DLGAP4: variants seen among roughly 807,000 people sequenced by gnomAD.
The protein encoded by DLGAP4 is disks large-associated protein 4.
DLGAP4 carries 18 observed loss-of-function variants against 86.9 expected under a neutral mutation model. That is an observed-to-expected ratio of 0.21 (90% confidence interval 0.14 to 0.31). The LOEUF is 0.31. Ranked by LOEUF, DLGAP4 falls within the 10% of genes least tolerant of loss-of-function variation. The pLI is 1.00. For synonymous variants in DLGAP4, 548 were observed against 574.3 expected (o/e 0.95, Z 0.65); for missense variants, 1,085 against 1,362.6 (o/e 0.80, Z 3.21).
At chr20:36,343,627 C>T (rs12481257) in intron 1 of DLGAP4, among the ~76,000 whole-genome samples, 2 of 152,096 alleles carry the variant, frequency 1.3e-5, no homozygotes, top group African/African-American at 4.8e-5. Flanking sequence ...GTACCCCCCC[C>T]CAACCCCCCG....
At chr20:36,363,838 G>A (rs1311002237) in intron 1 of DLGAP4, among the ~76,000 whole-genome samples, 1 of 152,182 alleles carries the variant, frequency 6.6e-6, no homozygotes, top group Non-Finnish European at 1.5e-5. Context: ...AGCACCTCCT[G>A]TGTGCCAGGC....
chr20:36,405,039 G>A (rs914423494), intron 2 of DLGAP4, among the ~76,000 whole-genome samples: 6 of 152,230 alleles, frequency 3.9e-5, no homozygotes, highest in African/African-American at 1.4e-4. Flanking sequence ...CAGAGGAAAC[G>A]CACAAATAGC....
intron 10 of DLGAP4, among the ~76,000 whole-genome samples, chr20:36,509,619 G>A (rs553772969): frequency 1.8e-4 from 28 of 152,106 alleles, no homozygotes; most frequent in Admixed American, 2.6e-4. Flanking sequence ...GCATTGTGGT[G>A]TACACCTGTA....
Position 36,526,946 on chromosome 20 carries a change from G to GGGC in DLGAP4, c.2895_2897dup (p.Ala967dup). The GGGC allele has an allele frequency of 6.2e-7, 1 of 1,613,732 alleles. No individual in the cohort carries two copies. Among genetic ancestry groups the GGGC allele is most frequent in the Non-Finnish European group, 8.5e-7 (1 of 1,179,922 alleles). On this transcript the variant is annotated inframe_insertion, in exon 13 of 13. Transcript: ENST00000339266. ...CGCAAGAGACTCCTGGCGGCCAAGC[G>GGGC]GGCAGCTTCTGTGCGGCAGAACTCA...
chr20:36,478,679 C>T (rs1023611020), intron 7 of DLGAP4, among the ~76,000 whole-genome samples: 4 of 152,084 alleles, frequency 2.6e-5, no homozygotes, highest in South Asian at 2.1e-4. Flanking sequence ...TCAGTCTTGC[C>T]GAAGCAAGCT....
chr20:36,373,213 C>T (rs570792264), intron 2 of DLGAP4, among the ~76,000 whole-genome samples: 4 of 152,200 alleles, frequency 2.6e-5, no homozygotes, highest in East Asian at 1.9e-4. Context: ...AAAATAGATT[C>T]GATTGACTTG....
intron 1 of DLGAP4, among the ~76,000 whole-genome samples, chr20:36,352,369 A>G (rs2030184933): frequency 6.7e-6 from 1 of 150,362 alleles, no homozygotes; most frequent in South Asian, 2.1e-4. Context: ...TGGAGACTGG[A>G]CTGAAGGGAT....
intron 7 of DLGAP4, among the ~76,000 whole-genome samples, chr20:36,460,828 G>C (rs73105133): frequency 2.0e-4 from 31 of 152,364 alleles, no homozygotes; most frequent in Non-Finnish European, 3.4e-4. Flanking sequence ...TTTATTTTAC[G>C]GGGGAGGAAT....
intron 7 of DLGAP4, chr20:36,462,628 G>A (rs772949728): frequency 5.1e-6 from 8 of 1,574,364 alleles, no homozygotes; most frequent in African/African-American, 2.8e-5. Context: ...GGGTCGGGCC[G>A]GAGTTGGCCC....
At chr20:36,339,223 G>A (rs2065352738) in intron 1 of DLGAP4, among the ~76,000 whole-genome samples, 1 of 152,056 alleles carries the variant, frequency 6.6e-6, no homozygotes, top group African/African-American at 2.4e-5. Context: ...AAGTAGCTGG[G>A]ACTGAAGGTG....
intron 2 of DLGAP4, among the ~76,000 whole-genome samples, chr20:36,386,197 G>A (rs1391586779): frequency 1.3e-5 from 2 of 152,178 alleles, no homozygotes; most frequent in Non-Finnish European, 2.9e-5. Context: ...GAGCAAGCAA[G>A]CGTGACACAT....
chr20:36,344,202 G>A (rs1339151508), intron 1 of DLGAP4, among the ~76,000 whole-genome samples: 2 of 152,114 alleles, frequency 1.3e-5, no homozygotes, highest in African/African-American at 2.4e-5. Context: ...CTCTGCTCCC[G>A]ACTCTTCACT....
intron 10 of DLGAP4, among the ~76,000 whole-genome samples, chr20:36,503,333 AT>A (rs1042780331): frequency 1.2e-4 from 18 of 149,102 alleles, no homozygotes; most frequent in African/African-American, 4.6e-4. Flanking sequence ...ACTACTGTTT[AT>A]TTTAAGAACA....
chr20:36,488,016 A>G (rs567802964), intron 7 of DLGAP4, among the ~76,000 whole-genome samples: 50 of 152,218 alleles, frequency 3.3e-4, no homozygotes, highest in African/African-American at 1.1e-3. Flanking sequence ...CCTGGCCAAC[A>G]TGGTGAAACC....
rs539549608 is a variant in DLGAP4 at position 36,440,880 on chromosome 20, C to G, written c.1356+1012C>G. ...CAGGAACAGGCCACTGTGTGCAGGC[C>G]CAGGACCACGGCTAGAGGACTGCTT... On this transcript the variant is annotated intron_variant, in intron 5 of 12. Transcript: ENST00000339266. 3.3e-5 allele frequency among the ~76,000 whole-genome samples: 5 copies of G among 152,118 alleles called. 1 individual carries two copies. The highest frequency in any genetic ancestry group is 3.3e-4 in the Admixed American group (5 of 15,294).
At chr20:36,438,909 G>A (rs754195816) in intron 4 of DLGAP4, among the ~76,000 whole-genome samples, 5 of 151,844 alleles carry the variant, frequency 3.3e-5, no homozygotes, top group Admixed American at 6.6e-5. Context: ...GTGAGCCACC[G>A]CACCTGGCCT....
At position 36,500,166 on chromosome 20, in the gene DLGAP4, C is replaced by T. The variant is rs2036076428; in HGVS notation, c.2100-33C>T. 1 of 1,509,022 alleles carries T rather than the reference C, an allele frequency of 6.6e-7. No homozygotes were observed. The highest frequency in any genetic ancestry group is 8.9e-7 in the Non-Finnish European group (1 of 1,127,320). The allele number at this position is 1,509,022 out of a possible 1,614,324, so 93.5% of individuals were successfully genotyped here. A position where few individuals can be genotyped will look rare whatever the true frequency, so the allele number is the denominator to read the frequency against. The stretch of plus-strand genomic sequence containing the variant: ...TGGCCCTCTTGGTGACTCACTCCTT[C>T]CTGTCCCCACCCCATCCACCCCCTA... On this transcript the variant is annotated intron_variant, in intron 9 of 12. Coordinates refer to ENST00000339266, the MANE Select transcript of DLGAP4 (RefSeq NM_001365621.2). The surrounding 1 kb of genome is among the most constrained non-coding windows in gnomAD (Gnocchi z 4.6).
At chr20:36,339,864 G>C (rs1449316676) in intron 1 of DLGAP4, among the ~76,000 whole-genome samples, 3 of 152,218 alleles carry the variant, frequency 2.0e-5, no homozygotes, top group Admixed American at 6.5e-5. Flanking sequence ...TCCGGCAGAG[G>C]CGTTAAGGTG....
chr20:36,445,371 G>A (rs1225181467), intron 6 of DLGAP4, among the ~76,000 whole-genome samples: 1 of 152,148 alleles, frequency 6.6e-6, no homozygotes, highest in African/African-American at 2.4e-5. Flanking sequence ...GGGCATGGTG[G>A]CACCTGCCTA....
Sources: allele counts gnomAD v4.1 joint callset (sites outside exome capture counted in the v4.1 genomes callset), GRCh38; gene constraint gnomAD v4.1.1; non-coding constraint Gnocchi (gnomAD v3.1); transcripts MANE v1.5; gene names NCBI Gene and HGNC (gene_info 2026-07-23, HGNC 2026-07-21).